AGBL1: variants seen among roughly 807,000 people sequenced by gnomAD.
AGBL1 encodes cytosolic carboxypeptidase 4.
AGBL1 carries 130 observed loss-of-function variants against 118.9 expected under a neutral mutation model. The observed-to-expected ratio is 1.09, with a 90% CI of 0.95 to 1.26. The LOEUF is 1.26. Among genes scored for constraint, AGBL1 ranks in the 50% most tolerant of loss-of-function variants. The probability of loss-of-function intolerance (pLI) is 0.00; values close to 1 mark genes in which losing one functional copy is unlikely to be tolerated. For synonymous variants in AGBL1, 555 were observed against 478.9 expected (o/e 1.16, Z -2.08); for missense variants, 1,584 against 1,298.1 (o/e 1.22, Z -3.38).
chr15:86,434,451 T>A (rs1383557127), intron 18 of AGBL1, among the ~76,000 whole-genome samples: 1 of 152,206 alleles, frequency 6.6e-6, no homozygotes, highest in African/African-American at 2.4e-5. Flanking sequence ...GCAGTTTGCT[T>A]ACATTTAAAT....
chr15:86,193,443 C>G (rs1050411453), intron 5 of AGBL1, among the ~76,000 whole-genome samples: 5 of 152,104 alleles, frequency 3.3e-5, no homozygotes, highest in African/African-American at 4.8e-5. Context: ...TAGAAGGTGG[C>G]AAACTGAAGG....
At chr15:86,764,396 A>G (rs1475131437) in intron 22 of AGBL1, among the ~76,000 whole-genome samples, 1 of 152,012 alleles carries the variant, frequency 6.6e-6, no homozygotes, top group African/African-American at 2.4e-5. Context: ...GCAAGATAGG[A>G]ATATGATAGG....
intron 8 of AGBL1, among the ~76,000 whole-genome samples, 167 bp downstream of exon 8, chr15:86,257,185 A>G (rs1597634828): frequency 1.3e-5 from 2 of 152,258 alleles, no homozygotes; most frequent in East Asian, 3.8e-4. Flanking sequence ...TTTCATAAAC[A>G]GGGTGATTTC....
chr15:86,143,869 G>A (rs2076997992), intron 3 of AGBL1, 24 bp downstream of exon 3: 1 of 1,610,370 alleles, frequency 6.2e-7, no homozygotes, highest in Non-Finnish European at 8.5e-7. Context: ...AAGACCTAAA[G>A]CTGACTGAAA....
chr15:86,572,778 A>G (rs1191112904), intron 21 of AGBL1, among the ~76,000 whole-genome samples: 1 of 152,226 alleles, frequency 6.6e-6, no homozygotes, highest in Non-Finnish European at 1.5e-5. Context: ...GCATGATGGC[A>G]GTGGCTGCTC....
At chr15:86,594,373 A>G (rs1437005797) in intron 21 of AGBL1, among the ~76,000 whole-genome samples, 3 of 152,190 alleles carry the variant, frequency 2.0e-5, no homozygotes, top group African/African-American at 4.8e-5. Flanking sequence ...TTTTGGTAAC[A>G]TCTTTGTCAG....
At chr15:86,801,542 A>G (rs1024417753) in intron 22 of AGBL1, among the ~76,000 whole-genome samples, 14 of 152,082 alleles carry the variant, frequency 9.2e-5, no homozygotes, top group Admixed American at 7.2e-4. Context: ...ACCTACTTCA[A>G]TGAAGTCTCA....
At chr15:86,390,659 G>A (rs1440764698) in intron 17 of AGBL1, among the ~76,000 whole-genome samples, 1 of 82,046 alleles carries the variant, frequency 1.2e-5, no homozygotes, top group East Asian at 9.2e-4. Flanking sequence ...TATACTGTAT[G>A]ATTTTTTTTT....
At chr15:86,213,434 G>T (rs1437731810) in intron 5 of AGBL1, among the ~76,000 whole-genome samples, 2 of 152,190 alleles carry the variant, frequency 1.3e-5, no homozygotes, top group African/African-American at 2.4e-5. Context: ...CTGGGAGGTT[G>T]TTGGAAGTGC....
At chr15:86,294,313 C>G (rs968798265) in intron 16 of AGBL1, among the ~76,000 whole-genome samples, 1 of 146,364 alleles carries the variant, frequency 6.8e-6, no homozygotes, top group South Asian at 2.2e-4. Context: ...GCAGGAGAAT[C>G]GCTTGAACCT....
chr15:86,342,366 C>T (rs966906206), intron 17 of AGBL1, among the ~76,000 whole-genome samples: 5 of 152,276 alleles, frequency 3.3e-5, no homozygotes, highest in Middle Eastern at 3.4e-3. Flanking sequence ...TTTCCTACTT[C>T]TTTCTTATCT....
intron 5 of AGBL1, among the ~76,000 whole-genome samples, chr15:86,178,901 A>G (rs1165171018): frequency 6.6e-6 from 1 of 152,234 alleles, no homozygotes; most frequent in Non-Finnish European, 1.5e-5. Flanking sequence ...CTTTGCAAAC[A>G]TCCCTGACTG....
chr15:86,783,942 TA>T (rs1023786634), intron 22 of AGBL1, among the ~76,000 whole-genome samples: 1 of 152,184 alleles, frequency 6.6e-6, no homozygotes, highest in African/African-American at 2.4e-5. Flanking sequence ...CCACTTTTCT[TA>T]AAAAAATTTT....
intron 6 of AGBL1, among the ~76,000 whole-genome samples, chr15:86,225,595 T>C (rs1366874450): frequency 2.0e-5 from 3 of 152,118 alleles, no homozygotes; most frequent in East Asian, 1.9e-4. Flanking sequence ...CCTAATTACG[T>C]TGGGAGTCAA....
intron 21 of AGBL1, among the ~76,000 whole-genome samples, chr15:86,564,270 G>T (rs1434799979): frequency 1.3e-5 from 2 of 152,188 alleles, no homozygotes; most frequent in Admixed American, 6.5e-5. Context: ...GGCTGGTACT[G>T]GTTGTTCCTT....
intron 18 of AGBL1, among the ~76,000 whole-genome samples, chr15:86,468,308 G>C (rs528886999): frequency 6.6e-6 from 1 of 152,250 alleles, no homozygotes; most frequent in South Asian, 2.1e-4. Context: ...CTTTGAGAAC[G>C]GAAATCTAGA....
chr15:86,754,811 G>C (rs1177048836), intron 22 of AGBL1, among the ~76,000 whole-genome samples: 1 of 151,986 alleles, frequency 6.6e-6, no homozygotes, highest in East Asian at 1.9e-4. Context: ...TGACCTTTTA[G>C]CTTGCATGCA....
chr15:86,739,953 G>A (rs28703186), intron 22 of AGBL1, among the ~76,000 whole-genome samples: 2,439 of 152,262 alleles, frequency 0.016, 73 homozygotes, highest in African/African-American at 0.056. Flanking sequence ...TGGCTAGTTC[G>A]ATAACACTCT....
At chr15:86,181,161 G>A (rs757674363) in intron 5 of AGBL1, among the ~76,000 whole-genome samples, 21 of 151,910 alleles carry the variant, frequency 1.4e-4, no homozygotes, top group Non-Finnish European at 2.5e-4. Flanking sequence ...CCTCTTCTGG[G>A]TATTCATTTA....
Sources: allele counts gnomAD v4.1 joint callset (sites outside exome capture counted in the v4.1 genomes callset), GRCh38; gene constraint gnomAD v4.1.1; transcripts MANE v1.5; gene names NCBI Gene and HGNC (gene_info 2026-07-23, HGNC 2026-07-21).